Variants in SLC7A9 observed in about 807,000 individuals in gnomAD.
SLC7A9 encodes the protein B(0,+)-type amino acid transporter 1.
In SLC7A9, 38 loss-of-function variants were observed where a neutral mutation model predicts 54.1. That is an observed-to-expected ratio of 0.70 (90% CI 0.54 to 0.92). SLC7A9 has a LOEUF of 0.92. Among genes scored for constraint, SLC7A9 ranks in the 40% least tolerant of loss-of-function variants. SLC7A9 has a pLI of 0.00. For synonymous variants in SLC7A9, 264 were observed against 258.9 expected, an observed-to-expected ratio of 1.02 and a Z score of -0.19; for missense variants, 537 against 636.1, an observed-to-expected ratio of 0.84 and a Z score of 1.68.
intron 1 of SLC7A9, among the ~76,000 whole-genome samples, 160 bp from the exon 2 acceptor site, chr19:32,868,805 T>C (rs1207204000): frequency 6.6e-6 from 1 of 152,004 alleles, no homozygotes; most frequent in Non-Finnish European, 1.5e-5. Context: ...CTTGCTTAGC[T>C]CTCTCCCAGA....
At chr19:32,833,406 A>ATGAACTCCATGTACCCCCTCC in intron 11 of SLC7A9, 83 bp from the exon 12 acceptor site, 1 of 1,155,488 alleles carries the variant, frequency 8.7e-7, no homozygotes, top group South Asian at 1.3e-5. Context: ...TAAAAAGAGT[A>ATGAACTCCATGTACCCCCTCC]TGAACTCCAT....
intron 9 of SLC7A9, among the ~76,000 whole-genome samples, chr19:32,856,561 T>C (rs1181876398): frequency 1.3e-5 from 2 of 152,148 alleles, no homozygotes; most frequent in African/African-American, 4.8e-5. Context: ...CCACAATGTT[T>C]ACATGTATTG....
chr19:32,861,202 G>A (rs1324589146), intron 6 of SLC7A9, among the ~76,000 whole-genome samples: 1 of 152,030 alleles, frequency 6.6e-6, no homozygotes, highest in African/African-American at 2.4e-5. Flanking sequence ...GGTGGCAGGT[G>A]CCTGTAATCC....
chr19:32,832,602 A>AT (rs1967834520), intron 12 of SLC7A9, among the ~76,000 whole-genome samples: 1 of 142,332 alleles, frequency 7.0e-6, no homozygotes, highest in African/African-American at 2.7e-5. Context: ...AAAAAAAAAA[A>AT]AAGAAAGAAA....
At chr19:32,836,093 T>G (rs1232623351) in intron 11 of SLC7A9, among the ~76,000 whole-genome samples, 4 of 152,140 alleles carry the variant, frequency 2.6e-5, no homozygotes, top group Admixed American at 2.6e-4. Flanking sequence ...TTTTGTATTT[T>G]TAGTAGAGAC....
At chr19:32,846,205 G>A (rs11669268) in intron 9 of SLC7A9, among the ~76,000 whole-genome samples, 17,013 of 152,076 alleles carry the variant, frequency 0.11, 926 homozygotes, top group Middle Eastern at 0.16. Flanking sequence ...TGCATGAGCC[G>A]AAGCAGGGCA....
At chr19:32,863,928 G>C (rs561329463) in intron 4 of SLC7A9, among the ~76,000 whole-genome samples, 168 bp downstream of exon 4, 1 of 152,130 alleles carries the variant, frequency 6.6e-6, no homozygotes. Flanking sequence ...CAGCCCCCAC[G>C]GGCCTGGGGG....
At chr19:32,835,889 C>CTGTGTG (rs1212868987) in intron 11 of SLC7A9, among the ~76,000 whole-genome samples, 21 of 140,864 alleles carry the variant, frequency 1.5e-4, no homozygotes, top group African/African-American at 4.8e-4. Context: ...AATTTATGTA[C>CTGTGTG]TGTGTGTGTG....
Position 32,858,768 on chromosome 19 carries a change from C to CTTTA in SLC7A9, c.874-229_874-226dup, listed in dbSNP as rs71176160. ...TTATCTACTACTCCCTGGCATAAAT[C>CTTTA]TTTATTTATTTATTTATTTATTTAT... is the stretch of plus-strand genomic sequence containing the variant. On this transcript the variant is annotated intron_variant, in intron 8 of 12. Coordinates refer to ENST00000023064, the MANE Select transcript of SLC7A9 (RefSeq NM_014270.5). Among the ~76,000 whole-genome samples the CTTTA allele has an allele frequency of 0.035, 5,145 of 148,570 alleles. 100 individuals carry two copies. The highest frequency in any genetic ancestry group is 0.043 in the African/African-American group (1,738 of 40,378).
chr19:32,861,314 AGAGT>A (rs1438043353), intron 6 of SLC7A9, among the ~76,000 whole-genome samples: 1 of 151,344 alleles, frequency 6.6e-6, no homozygotes, highest in African/African-American at 2.4e-5. Context: ...CCTGGGTAAT[AGAGT>A]GAGACTCCGT....
At chr19:32,833,403 A>G in intron 11 of SLC7A9, 80 bp from the exon 12 acceptor site, 1 of 1,266,714 alleles carries the variant, frequency 7.9e-7, no homozygotes, top group Non-Finnish European at 1.1e-6. Context: ...TTATAAAAAG[A>G]GTATGAACTC....
intron 7 of SLC7A9, chr19:32,860,245 G>A: frequency 1.4e-6 from 2 of 1,409,508 alleles, no homozygotes; most frequent in Non-Finnish European, 1.8e-6. Context: ...CTCTAAGCGT[G>A]CATAGTGAGC....
chr19:32,855,452 CA>C (rs1968592580), intron 9 of SLC7A9, among the ~76,000 whole-genome samples: 1 of 152,224 alleles, frequency 6.6e-6, no homozygotes, highest in African/African-American at 2.4e-5. Context: ...GTAATCCCAG[CA>C]CTTTGGGAGG....
chr19:32,852,306 C>T (rs1346697897), intron 9 of SLC7A9, among the ~76,000 whole-genome samples: 2 of 151,894 alleles, frequency 1.3e-5, no homozygotes, highest in Non-Finnish European at 2.9e-5. Flanking sequence ...GCTTGGGCAA[C>T]ATAGTAAGAC....
At chr19:32,832,613 G>GAAAGAA (rs1248827294) in intron 12 of SLC7A9, among the ~76,000 whole-genome samples, 2 of 137,064 alleles carry the variant, frequency 1.5e-5, no homozygotes, top group Admixed American at 7.3e-5. Flanking sequence ...AAGAAAGAAA[G>GAAAGAA]AAAGAAAAAG....
At chr19:32,861,610 G>A (rs1039331422) in intron 6 of SLC7A9, among the ~76,000 whole-genome samples, 6 of 152,166 alleles carry the variant, frequency 3.9e-5, no homozygotes, top group Non-Finnish European at 8.8e-5. Context: ...GTAGGAGTTT[G>A]AGAGCAGCTT....
intron 5 of SLC7A9, 70 bp from the exon 6 acceptor site, chr19:32,862,287 G>A (rs2145842388): frequency 6.9e-7 from 1 of 1,444,204 alleles, no homozygotes; most frequent in East Asian, 2.3e-5. Context: ...CCACGGGAAA[G>A]ATGGGCATGA....
At chr19:32,839,195 G>A (rs1439886964) in intron 11 of SLC7A9, among the ~76,000 whole-genome samples, 1 of 152,014 alleles carries the variant, frequency 6.6e-6, no homozygotes, top group Non-Finnish European at 1.5e-5. Flanking sequence ...TCTATAATTT[G>A]ATATATTCAC....
intron 6 of SLC7A9, 99 bp from the exon 7 acceptor site, chr19:32,860,749 C>T: frequency 1.3e-6 from 2 of 1,503,422 alleles, no homozygotes; most frequent in Admixed American, 3.9e-5. Flanking sequence ...GATTCTCTAC[C>T]AGAGAAAAAA....
Sources: allele counts gnomAD v4.1 joint callset (sites outside exome capture counted in the v4.1 genomes callset), GRCh38; gene constraint gnomAD v4.1.1; transcripts MANE v1.5; gene names NCBI Gene and HGNC (gene_info 2026-07-23, HGNC 2026-07-21).